SPECC1L: variants seen among roughly 807,000 people sequenced by gnomAD.
The protein encoded by SPECC1L is cytospin-A.
A neutral mutation model predicts 116.8 loss-of-function variants in SPECC1L; 40 were observed. That is an observed-to-expected ratio of 0.34 (90% confidence interval 0.27 to 0.45). The LOEUF is 0.45. SPECC1L is among the 20% of genes least tolerant of loss of function. SPECC1L has a pLI of 1.00. For missense variants in SPECC1L, 1,110 were observed against 1,373.6 expected, an observed-to-expected ratio of 0.81 and a Z score of 3.03; for synonymous variants, 504 against 500.6, an observed-to-expected ratio of 1.01 and a Z score of -0.09.
chr22:24,379,829 C>G (rs1351952262), intron 14 of SPECC1L, among the ~76,000 whole-genome samples: 1 of 152,188 alleles, frequency 6.6e-6, no homozygotes, highest in Non-Finnish European at 1.5e-5. Context: ...ATTGCAAGAT[C>G]TGTAAGTTAA....
At chr22:24,406,687 T>C (rs961645604) in intron 14 of SPECC1L, among the ~76,000 whole-genome samples, 1 of 152,130 alleles carries the variant, frequency 6.6e-6, no homozygotes, top group East Asian at 1.9e-4. Context: ...CTCTGGTGAT[T>C]CCATGCGATT....
intron 4 of SPECC1L, 99 bp downstream of exon 4, chr22:24,313,565 T>C: frequency 7.2e-7 from 1 of 1,393,518 alleles, no homozygotes; most frequent in East Asian, 2.3e-5. Flanking sequence ...TAGGAAATTT[T>C]AGACATACAA....
chr22:24,304,269 A>G (rs948938724), intron 3 of SPECC1L: 2 of 152,202 alleles, frequency 1.3e-5, no homozygotes, highest in Admixed American at 1.3e-4. Flanking sequence ...CTGTCACTGC[A>G]CAATATTCTC....
chr22:24,407,057 C>T (rs2042606231), intron 14 of SPECC1L, among the ~76,000 whole-genome samples: 1 of 152,190 alleles, frequency 6.6e-6, no homozygotes. Context: ...TCAAGCTTCA[C>T]TTGGGCTCCC....
intron 4 of SPECC1L, among the ~76,000 whole-genome samples, chr22:24,320,438 C>T (rs988763842): frequency 3.3e-5 from 5 of 152,132 alleles, no homozygotes; most frequent in Non-Finnish European, 7.3e-5. Context: ...ATTAGTGCTT[C>T]GTTGTTTTTT....
rs760248466 is a variant in SPECC1L at position 24,414,641 on chromosome 22, G to A, written c.*18G>A. The A allele has an allele frequency of 1.8e-5, 29 of 1,609,792 alleles. 1 individual carries two copies. Among genetic ancestry groups the A allele is most frequent in the South Asian group, 4.4e-5 (4 of 90,940 alleles). ...AGACCTGAGCATGCCGGGAGGAGCC[G>A]CCCCAATAGCGGGGGTACCCCTCCA... is the stretch of plus-strand genomic sequence containing the variant. On this transcript the variant is annotated 3_prime_UTR_variant, in exon 17 of 17. Transcript: ENST00000314328.
rs201313488 is a variant in SPECC1L, at chr22:24,321,671, A to T, written c.691A>T (p.Ile231Phe). The change falls in exon 5 of 17, where the codon ATT becomes TTT. Residue 231 changes from isoleucine to phenylalanine, a missense_variant. Around this residue, in one of 4 missense-constraint regions of SPECC1L, gnomAD observed 437 missense variants for 482.6 expected, o/e 0.91. Coordinates refer to ENST00000314328, the MANE Select transcript of SPECC1L (RefSeq NM_015330.6). ...EGDEKSEKET[I>F]MAHQPTDVES... ...TGATGAAAAATCTGAGAAGGAAACT[A>T]TTATGGCTCACCAGCCGACTGATGT... is the stretch of plus-strand genomic sequence containing the variant. 17 of 1,614,136 alleles carry T rather than the reference A, an allele frequency of 1.1e-5. No homozygotes were observed. The highest frequency in any genetic ancestry group is 5.0e-5 in the Admixed American group (3 of 60,016).
At chr22:24,311,887 A>G (rs1378142519) in intron 3 of SPECC1L, among the ~76,000 whole-genome samples, 1 of 141,808 alleles carries the variant, frequency 7.1e-6, no homozygotes, top group Admixed American at 7.6e-5. Flanking sequence ...TGTATTCTAG[A>G]TTTCATAATG....
chr22:24,335,923 T>G (rs1007524385), intron 9 of SPECC1L, among the ~76,000 whole-genome samples: 2 of 152,086 alleles, frequency 1.3e-5, no homozygotes, highest in African/African-American at 4.8e-5. Flanking sequence ...GTTGTTATAC[T>G]TAGTACTGGC....
At chr22:24,349,036 C>CA (rs1569430230) in intron 11 of SPECC1L, among the ~76,000 whole-genome samples, 1 of 149,500 alleles carries the variant, frequency 6.7e-6, no homozygotes, top group Non-Finnish European at 1.5e-5. Flanking sequence ...GGCTTTTCTC[C>CA]TTTTTTTTTT....
intron 8 of SPECC1L, among the ~76,000 whole-genome samples, chr22:24,334,008 T>G (rs867867727): frequency 1.3e-5 from 2 of 150,562 alleles, no homozygotes; most frequent in South Asian, 2.1e-4. Context: ...CTGATAGTTT[T>G]TTGTTGTTTT....
Position 24,321,597 on chromosome 22 carries a change from T to C in SPECC1L, c.617T>C (p.Leu206Pro), listed in dbSNP as rs542369693. The C allele has an allele frequency of 6.2e-7, 1 of 1,614,226 alleles. No individual in the cohort carries two copies. The highest frequency in any genetic ancestry group is 8.5e-7 in the Non-Finnish European group (1 of 1,180,036). The change falls in exon 5 of 17, where the codon CTG becomes CCG. Residue 206 changes from leucine to proline, a missense_variant. This residue lies in a region of SPECC1L where 437 missense variants were observed against 482.6 expected (regional missense o/e 0.91). Transcript: ENST00000314328. ...GAAATTTTACATTTGAGAAATGAACTGCGAGACATGCGTGCCCAGCTGGGC... is the reference window on the plus strand; with the variant it reads ...GAAATTTTACATTTGAGAAATGAACCGCGAGACATGCGTGCCCAGCTGGGC... The part of the protein sequence containing the change: ...DVEILHLRNE[L>P]RDMRAQLGIN...
At position 24,342,006 on chromosome 22, in the gene SPECC1L, C is replaced by T. The variant is rs5760354; in HGVS notation, c.2652+3529C>T. On this transcript the variant is annotated intron_variant, in intron 10 of 16. Coordinates refer to ENST00000314328, the MANE Select transcript of SPECC1L (RefSeq NM_015330.6). ...GCTAGACCTTGAACCAGAGGCACTC[C>T]GCTAAGCTTTCTGACCCACAGAAAC... Among the ~76,000 whole-genome samples, 1,597 of 152,258 alleles carry T rather than the reference C, an allele frequency of 0.01. 77 individuals are homozygous for T. The South Asian group carries it at 0.12, about 11-fold the overall frequency.
chr22:24,324,142 CTG>C (rs1009917439), intron 5 of SPECC1L, 76 bp from the exon 6 acceptor site: 40 of 1,196,096 alleles, frequency 3.3e-5, no homozygotes, highest in Non-Finnish European at 3.1e-5. Context: ...CCCTTGGAAA[CTG>C]TGTGTACCTC....
intron 14 of SPECC1L, among the ~76,000 whole-genome samples, chr22:24,399,762 G>C (rs763759216): frequency 6.6e-6 from 1 of 152,050 alleles, no homozygotes; most frequent in African/African-American, 2.4e-5. Flanking sequence ...CCCTTTCTTG[G>C]GAATAGCCAT....
Position 24,369,282 on chromosome 22 carries a change from T to C in SPECC1L, c.3049T>C (p.Leu1017=), listed in dbSNP as rs201617411. Residue 1017 remains leucine (L), a synonymous_variant, in exon 14 of 17, where the codon TTG becomes CTG. Coordinates refer to ENST00000314328, the MANE Select transcript of SPECC1L (RefSeq NM_015330.6). ...ATATGGAGGATCAAAGAGGAACGCC[T>C]TGCTGAAGTGGTGTCAGAAGAAAAC... ...REYGGSKRNA[L]LKWCQKKTEG... is the part of the protein sequence containing the mutation. The C allele has an allele frequency of 1.2e-6, 2 of 1,614,136 alleles. No individual in the cohort carries two copies. Among genetic ancestry groups the C allele is most frequent in the Non-Finnish European group, 1.7e-6 (2 of 1,179,948 alleles).
At chr22:24,296,331 G>A (rs947569739) in intron 2 of SPECC1L, among the ~76,000 whole-genome samples, 9 of 152,218 alleles carry the variant, frequency 5.9e-5, no homozygotes, top group Non-Finnish European at 1.2e-4. Flanking sequence ...AAGGCCTTCA[G>A]TGCCTTTCCC....
chr22:24,349,421 T>A (rs2041374426), intron 11 of SPECC1L, among the ~76,000 whole-genome samples: 1 of 152,216 alleles, frequency 6.6e-6, no homozygotes, highest in South Asian at 2.1e-4. Context: ...TTGTCCTCAC[T>A]TTCTTTGTTA....
At chr22:24,380,527 C>T (rs181416904) in intron 14 of SPECC1L, among the ~76,000 whole-genome samples, 5 of 152,298 alleles carry the variant, frequency 3.3e-5, no homozygotes, top group East Asian at 3.9e-4. Flanking sequence ...TATCATCTTT[C>T]GTTAACTCTC....
Sources: gnomAD v4.1 joint callset for allele counts (sites outside exome capture counted in the v4.1 genomes callset) on GRCh38, gnomAD v4.1.1 for gene constraint, gnomAD v4.1.1 regional missense constraint, MANE v1.5 for transcripts, NCBI Gene and HGNC (gene_info 2026-07-23, HGNC 2026-07-21) for gene names.